PTPRG: variants seen among roughly 807,000 people sequenced by gnomAD.
PTPRG encodes the protein receptor-type tyrosine-protein phosphatase gamma.
In PTPRG, 102 loss-of-function variants were observed where a neutral mutation model predicts 165.3. The observed-to-expected ratio is 0.62, with a 90% CI of 0.53 to 0.73. The LOEUF (loss-of-function observed/expected upper bound fraction) is 0.73, where lower values mean the gene tolerates loss of function less well. PTPRG is among the 30% of genes least tolerant of loss of function. The pLI, the probability that PTPRG is intolerant of heterozygous loss-of-function variation, is 0.00. For missense variants in PTPRG, 1,866 were observed against 1,861.4 expected (o/e 1.00, Z -0.05); for synonymous variants, 675 against 669.5 (o/e 1.01, Z -0.13).
intron 28 of PTPRG, among the ~76,000 whole-genome samples, chr3:62,284,685 T>C (rs1702571685): frequency 2.0e-5 from 3 of 152,118 alleles, no homozygotes. Flanking sequence ...ACATTCAGCA[T>C]AGCTAAAACC....
At chr3:61,621,213 T>C (rs1004342337) in intron 1 of PTPRG, among the ~76,000 whole-genome samples, 1 of 152,082 alleles carries the variant, frequency 6.6e-6, no homozygotes, top group Non-Finnish European at 1.5e-5. Context: ...CTTTGAATTG[T>C]CTTATGCACC....
intron 1 of PTPRG, among the ~76,000 whole-genome samples, chr3:61,737,888 G>C (rs1257786745): frequency 1.3e-5 from 2 of 149,580 alleles, no homozygotes; most frequent in African/African-American, 4.9e-5. Flanking sequence ...TTTTGCTAGA[G>C]GTTGTGGATA....
chr3:62,059,860 G>A (rs1700750207), intron 4 of PTPRG, among the ~76,000 whole-genome samples: 3 of 152,122 alleles, frequency 2.0e-5, no homozygotes, highest in South Asian at 4.1e-4. Context: ...TCCGACTTTT[G>A]TTTGGCACTT....
chr3:62,124,205 C>T, intron 5 of PTPRG: 2 of 902,388 alleles, frequency 2.2e-6, no homozygotes, highest in Non-Finnish European at 1.8e-6. Context: ...CATGATTATT[C>T]AGCCACACAG....
chr3:61,715,599 G>A (rs2031769679), intron 1 of PTPRG, among the ~76,000 whole-genome samples: 1 of 152,154 alleles, frequency 6.6e-6, no homozygotes, highest in Non-Finnish European at 1.5e-5. Context: ...GTGGAGGAAG[G>A]CCCTGGGTTC....
At chr3:61,633,048 G>T (rs767477615) in intron 1 of PTPRG, among the ~76,000 whole-genome samples, 2 of 152,116 alleles carry the variant, frequency 1.3e-5, no homozygotes, top group South Asian at 4.1e-4. Flanking sequence ...TTGATTTGGC[G>T]CATTGTTAGA....
chr3:62,192,501 C>A (rs568382579), intron 9 of PTPRG, among the ~76,000 whole-genome samples: 1 of 148,540 alleles, frequency 6.7e-6, no homozygotes, highest in African/African-American at 2.5e-5. Context: ...CTCCACCTCC[C>A]GGGTTCATGC....
chr3:61,990,110 C>T (rs1465693526), intron 3 of PTPRG, among the ~76,000 whole-genome samples: 2 of 151,608 alleles, frequency 1.3e-5, no homozygotes, highest in South Asian at 4.2e-4. Context: ...CAGAAAGCTA[C>T]CCAATCTAGT....
intron 13 of PTPRG, among the ~76,000 whole-genome samples, chr3:62,220,887 A>C (rs1332504733): frequency 6.6e-6 from 1 of 152,070 alleles, no homozygotes; most frequent in Non-Finnish European, 1.5e-5. Flanking sequence ...ATAAAGAAAC[A>C]CTTTGTACCC....
At chr3:61,976,363 A>T (rs55745198) in intron 2 of PTPRG, among the ~76,000 whole-genome samples, 1 of 152,184 alleles carries the variant, frequency 6.6e-6, no homozygotes, top group Non-Finnish European at 1.5e-5. Context: ...AAATTGGATG[A>T]CAGTCAGGAT....
chr3:61,738,373 T>G (rs1231267264), intron 1 of PTPRG, among the ~76,000 whole-genome samples: 1 of 146,984 alleles, frequency 6.8e-6, no homozygotes, highest in East Asian at 2.0e-4. Context: ...ATTCAATATT[T>G]CACATGGAAT....
At chr3:61,812,559 A>G (rs186255566) in intron 2 of PTPRG, among the ~76,000 whole-genome samples, 9 of 152,316 alleles carry the variant, frequency 5.9e-5, no homozygotes, top group African/African-American at 2.2e-4. Context: ...ATTATTTGAA[A>G]CAGAAATGGA....
intron 12 of PTPRG, among the ~76,000 whole-genome samples, chr3:62,206,933 A>AAAAAAAC (rs1559650285): frequency 6.8e-6 from 1 of 146,172 alleles, no homozygotes; most frequent in African/African-American, 2.7e-5. Flanking sequence ...AAAAAAAAAA[A>AAAAAAAC]AAAAAAGAAG....
intron 1 of PTPRG, among the ~76,000 whole-genome samples, chr3:61,723,503 T>C (rs1326069728): frequency 2.6e-5 from 4 of 152,216 alleles, no homozygotes; most frequent in African/African-American, 9.6e-5. Flanking sequence ...GAGGTCCTTG[T>C]TTCTATCAAA....
Position 62,293,999 on chromosome 3 carries a change from A to T in PTPRG, c.*692A>T, listed in dbSNP as rs1052842341. 7.2e-5 allele frequency: 11 copies of T among 152,482 alleles called. No homozygotes were observed. The highest frequency in any genetic ancestry group is 2.7e-4 in the African/African-American group (11 of 41,418). The allele number at this position is 152,482 out of a possible 1,614,324, so 9.4% of individuals were successfully genotyped here. A position where few individuals can be genotyped will look rare whatever the true frequency, so the allele number is the denominator to read the frequency against. On this transcript the variant is annotated 3_prime_UTR_variant, in exon 30 of 30. Coordinates refer to ENST00000474889, the MANE Select transcript of PTPRG (RefSeq NM_002841.4). ...TAAAAATGTGTCAAAATAAAGGATA[A>T]CTCTGTATTACAGCTTTCACAGTAG... is the stretch of plus-strand genomic sequence containing the variant.
At chr3:62,272,350 T>G (rs2148874283) in intron 21 of PTPRG, among the ~76,000 whole-genome samples, 1 of 152,354 alleles carries the variant, frequency 6.6e-6, no homozygotes, top group Non-Finnish European at 1.5e-5. Context: ...TGGGAAATCC[T>G]TGTATAAAGC....
intron 2 of PTPRG, among the ~76,000 whole-genome samples, chr3:61,801,569 C>T (rs574697673): frequency 1.3e-5 from 2 of 152,064 alleles, no homozygotes; most frequent in African/African-American, 4.8e-5. Flanking sequence ...AACAGAAACT[C>T]AAGTCGGCTT....
At chr3:62,250,648 G>A (rs1444088304) in intron 15 of PTPRG, among the ~76,000 whole-genome samples, 2 of 152,148 alleles carry the variant, frequency 1.3e-5, no homozygotes, top group African/African-American at 4.8e-5. Flanking sequence ...AAGTACGGCC[G>A]ATACATAACT....
intron 4 of PTPRG, among the ~76,000 whole-genome samples, chr3:62,056,602 T>G (rs926371748): frequency 1.3e-5 from 2 of 152,160 alleles, no homozygotes; most frequent in Admixed American, 6.5e-5. Context: ...CATTGTAGGA[T>G]GTAAAATAGT....
Sources: allele counts gnomAD v4.1 joint callset (sites outside exome capture counted in the v4.1 genomes callset), GRCh38; gene constraint gnomAD v4.1.1; transcripts MANE v1.5; gene names NCBI Gene and HGNC (gene_info 2026-07-23, HGNC 2026-07-21).